The following KLRG1 variants were observed in gnomAD, a reference collection of about 807,000 sequenced individuals.
KLRG1 encodes the protein killer cell lectin-like receptor subfamily G member 1.
Under a neutral mutation model 21.8 loss-of-function variants are expected in KLRG1, and 16 were observed. The ratio of observed to expected loss-of-function variants is 0.73; its 90% CI spans 0.50 to 1.11. The LOEUF (loss-of-function observed/expected upper bound fraction) is 1.11. Ranked by LOEUF, KLRG1 falls within the 50% of genes most tolerant of loss-of-function variation. KLRG1 has a pLI of 0.00. For synonymous variants in KLRG1, 69 were observed against 75.9 expected, an observed-to-expected ratio of 0.91 and a Z score of 0.47; for missense variants, 173 against 218.3, an observed-to-expected ratio of 0.79 and a Z score of 1.31.
the KLRG1 span, among the ~76,000 whole-genome samples, chr12:9,090,851 C>T: frequency 3.8e-4 from 58 of 152,204 alleles, no homozygotes; most frequent in South Asian, 2.9e-3. Flanking sequence ...TGCTCACAAA[C>T]GACTTTTAAA....
the KLRG1 span, among the ~76,000 whole-genome samples, chr12:9,087,416 C>T: frequency 6.6e-6 from 1 of 152,046 alleles, no homozygotes; most frequent in Non-Finnish European, 1.5e-5. Flanking sequence ...TATAGGAAAA[C>T]AAATATTGCA....
At chr12:8,990,611 T>C (rs1462556988) in intron 1 of KLRG1, among the ~76,000 whole-genome samples, 1 of 152,162 alleles carries the variant, frequency 6.6e-6, no homozygotes, top group Non-Finnish European at 1.5e-5. Flanking sequence ...TATTTTTGAA[T>C]TGTATCTATG....
the KLRG1 span, among the ~76,000 whole-genome samples, chr12:9,158,752 C>CTTTTT: frequency 4.0e-4 from 39 of 97,806 alleles, no homozygotes; most frequent in Non-Finnish European, 5.9e-4. Context: ...TTTTTCTTTT[C>CTTTTT]TTTTCTTTTT....
chr12:9,029,511 A>G, the KLRG1 span, among the ~76,000 whole-genome samples: 1 of 152,002 alleles, frequency 6.6e-6, no homozygotes, highest in African/African-American at 2.4e-5. Context: ...GCCTGAATAC[A>G]CTGTTATTAA....
At position 8,992,267 on chromosome 12, in the gene KLRG1, A is replaced by G; in HGVS notation, c.144A>G (p.Ala48=). The G allele has an allele frequency of 1.2e-6, 2 of 1,613,918 alleles. No homozygotes were observed. The highest frequency in any genetic ancestry group is 2.7e-5 in the African/African-American group (2 of 75,036). The part of the protein sequence containing the change: ...LVAIALGLLT[A]VLLSVLLYQW... Reference sequence around the variant, plus strand: ...CAATAGCTTTGGGGCTTCTGACTGCAGTTCTTCTGAGTGTGCTGCTATACC... The same window carrying G: ...CAATAGCTTTGGGGCTTCTGACTGCGGTTCTTCTGAGTGTGCTGCTATACC... The change falls in exon 2 of 5, where the codon GCA becomes GCG. Residue 48 remains alanine (A), a synonymous_variant. Transcript: ENST00000356986.
At chr12:9,000,649 A>G (rs1434782816) in intron 3 of KLRG1, among the ~76,000 whole-genome samples, 1 of 152,202 alleles carries the variant, frequency 6.6e-6, no homozygotes, top group Non-Finnish European at 1.5e-5. Context: ...TGTCTCACTT[A>G]TTCACTTAGA....
At chr12:9,106,365 T>C in the KLRG1 span, 2 of 1,557,976 alleles carry the variant, frequency 1.3e-6, no homozygotes, top group Non-Finnish European at 1.8e-6. Flanking sequence ...GAGAAAAAAA[T>C]CTGTTATTTT....
At chr12:8,986,180 G>C (rs1946839480), upstream of KLRG1, among the ~76,000 whole-genome samples, 1 of 152,180 alleles carries the variant, frequency 6.6e-6, no homozygotes, top group Non-Finnish European at 1.5e-5. Context: ...ATCATATTAG[G>C]GGGTACATGA....
the KLRG1 span, chr12:9,113,242 A>C: frequency 9.7e-7 from 1 of 1,031,108 alleles, no homozygotes. Flanking sequence ...AGTTTGCTAC[A>C]TTTGGATTCC....
At chr12:9,098,556 C>G in the KLRG1 span, 7 of 1,550,470 alleles carry the variant, frequency 4.5e-6, no homozygotes, top group Admixed American at 2.0e-5. Flanking sequence ...TTTCCTTGCT[C>G]TGAGCCCCTG....
the KLRG1 span, among the ~76,000 whole-genome samples, chr12:9,034,059 C>T: frequency 3.3e-5 from 5 of 152,188 alleles, no homozygotes; most frequent in Admixed American, 3.3e-4. Flanking sequence ...TGAAGAACCC[C>T]ATGAGAGACA....
At chr12:8,960,715 T>C (rs56808213) in intron 1 of KLRG1, among the ~76,000 whole-genome samples, 2,988 of 152,246 alleles carry the variant, frequency 0.02, 100 homozygotes, top group African/African-American at 0.067. Flanking sequence ...AATACAGAAA[T>C]AGTGTCTCCT....
At position 9,007,801 on chromosome 12, in the gene KLRG1, C is replaced by T. The variant is rs182991996; in HGVS notation, c.358-1174C>T. Reference sequence around the variant, plus strand: ...TCTAGATAAAAAAGAATATTTTATTCCAAAGGTATTTAACCAATTAAGCTG... The same window carrying T: ...TCTAGATAAAAAAGAATATTTTATTTCAAAGGTATTTAACCAATTAAGCTG... On this transcript the variant is annotated intron_variant, in intron 3 of 4. Coordinates refer to ENST00000356986, the MANE Select transcript of KLRG1 (RefSeq NM_005810.4). 2.1e-3 allele frequency among the ~76,000 whole-genome samples: 313 copies of T among 152,168 alleles called. 2 individuals are homozygous for T. Among genetic ancestry groups the T allele is most frequent in the African/African-American group, 7.3e-3 (302 of 41,514 alleles).
chr12:9,034,648 T>A, the KLRG1 span, among the ~76,000 whole-genome samples: 2 of 152,172 alleles, frequency 1.3e-5, no homozygotes, highest in African/African-American at 4.8e-5. Context: ...GGTTTCATCA[T>A]GTTGGCCAGG....
At chr12:9,083,914 A>T in the KLRG1 span, among the ~76,000 whole-genome samples, 1 of 152,184 alleles carries the variant, frequency 6.6e-6, no homozygotes, top group Non-Finnish European at 1.5e-5. Flanking sequence ...ACAAAAAAAA[A>T]TTCTGAAAAG....
chr12:9,041,143 C>T, the KLRG1 span, among the ~76,000 whole-genome samples: 2 of 152,272 alleles, frequency 1.3e-5, no homozygotes, highest in Non-Finnish European at 2.9e-5. Context: ...CAAGACCAGC[C>T]TGGCCAACAT....
At chr12:8,951,308 C>CA (rs11441873) in intron 1 of KLRG1, among the ~76,000 whole-genome samples, 117,146 of 149,004 alleles carry the variant, frequency 0.79, 46,292 homozygotes, top group Admixed American at 0.83. Context: ...CCCCTTCTTT[C>CA]AAAAAAAAAA....
the KLRG1 span, among the ~76,000 whole-genome samples, chr12:9,038,278 G>C: frequency 6.6e-6 from 1 of 152,102 alleles, no homozygotes; most frequent in Non-Finnish European, 1.5e-5. Context: ...CTCATGGCTA[G>C]GCAATTCCAA....
At chr12:9,102,008 G>A in the KLRG1 span, among the ~76,000 whole-genome samples, 1 of 152,150 alleles carries the variant, frequency 6.6e-6, no homozygotes, top group Non-Finnish European at 1.5e-5. Flanking sequence ...ACTTCATTGA[G>A]GAGAGTAAAT....
Sources: allele counts gnomAD v4.1 joint callset (sites outside exome capture counted in the v4.1 genomes callset), GRCh38; gene constraint gnomAD v4.1.1; transcripts MANE v1.5; gene names NCBI Gene and HGNC (gene_info 2026-07-23, HGNC 2026-07-21).